ELOVL2: variants seen among roughly 807,000 people sequenced by gnomAD.
ELOVL2 encodes the protein very long chain fatty acid elongase 2.
Under a neutral mutation model 37.7 loss-of-function variants are expected in ELOVL2, and 38 were observed. That is an observed-to-expected ratio of 1.01 (90% CI 0.78 to 1.32). ELOVL2 has a LOEUF of 1.32. ELOVL2 is among the 40% of genes most tolerant of loss of function. The pLI is 0.00. For missense variants in ELOVL2, 352 were observed against 363.6 expected, an observed-to-expected ratio of 0.97 and a Z score of 0.26; for synonymous variants, 115 against 122.3, an observed-to-expected ratio of 0.94 and a Z score of 0.40.
intron 1 of ELOVL2, among the ~76,000 whole-genome samples, chr6:11,015,419 T>C (rs145150868): frequency 8.7e-4 from 132 of 152,262 alleles, no homozygotes; most frequent in Non-Finnish European, 1.7e-3. Flanking sequence ...AGCCATATTC[T>C]GAGCACCCCA....
At chr6:11,012,740 T>G (rs1000748898) in intron 1 of ELOVL2, among the ~76,000 whole-genome samples, 1 of 152,204 alleles carries the variant, frequency 6.6e-6, no homozygotes, top group African/African-American at 2.4e-5. Context: ...AAAGAGGCAT[T>G]CCATTCCTTT....
chr6:11,015,826 T>C (rs938766911), intron 1 of ELOVL2: 1 of 152,136 alleles, frequency 6.6e-6, no homozygotes, highest in Non-Finnish European at 1.5e-5. Context: ...ACTCTATCAG[T>C]TGGAGGTCAG....
chr6:11,019,855 C>T (rs892768997), intron 1 of ELOVL2, among the ~76,000 whole-genome samples: 1 of 150,820 alleles, frequency 6.6e-6, no homozygotes, highest in Non-Finnish European at 1.5e-5. Flanking sequence ...GTGATTCTCC[C>T]GCCTCAGCCT....
intron 5 of ELOVL2, among the ~76,000 whole-genome samples, chr6:10,993,944 C>T (rs1424298218): frequency 5.5e-5 from 7 of 126,356 alleles, no homozygotes; most frequent in African/African-American, 2.1e-4. Context: ...TGAGCTCAAG[C>T]GATTTCGCCT....
chr6:11,018,096 A>G (rs1007654187), intron 1 of ELOVL2, among the ~76,000 whole-genome samples: 9 of 152,120 alleles, frequency 5.9e-5, no homozygotes, highest in African/African-American at 2.2e-4. Context: ...TCTTTTTGGA[A>G]GTTTTCTTCC....
At chr6:11,026,826 TTATATC>T (rs1010236864) in intron 1 of ELOVL2, among the ~76,000 whole-genome samples, 1 of 152,038 alleles carries the variant, frequency 6.6e-6, no homozygotes, top group Non-Finnish European at 1.5e-5. Context: ...GGAGTATTAT[TTATATC>T]TAATAGATTA....
intron 1 of ELOVL2, among the ~76,000 whole-genome samples, chr6:11,034,466 T>C (rs1301954007): frequency 2.0e-5 from 2 of 98,150 alleles, no homozygotes; most frequent in Non-Finnish European, 4.5e-5. Flanking sequence ...GTGGATCACT[T>C]GAGGTCTGGA....
intron 4 of ELOVL2, among the ~76,000 whole-genome samples, chr6:10,999,485 C>T (rs1477909376): frequency 6.6e-6 from 1 of 151,802 alleles, no homozygotes; most frequent in Non-Finnish European, 1.5e-5. Flanking sequence ...AAGCGATTCT[C>T]CTGGCTCAGT....
chr6:11,005,573 C>T lies in ELOVL2; in HGVS notation c.68-14G>A, dbSNP rs752880201. The T allele has an allele frequency of 1.2e-6, 2 of 1,607,026 alleles. No homozygotes were observed. Among genetic ancestry groups the T allele is most frequent in the Non-Finnish European group, 8.5e-7 (1 of 1,175,992 alleles). On this transcript the variant is annotated splice_polypyrimidine_tract_variant and intron_variant, in intron 2 of 7. Coordinates refer to ENST00000354666, the MANE Select transcript of ELOVL2 (RefSeq NM_017770.4). ...TGACTCGAGAATCTGAAAAGAAACA[C>T]ATACAGTGAGGATCCTGAGGAATGA... is the stretch of plus-strand genomic sequence containing the variant.
At chr6:10,987,302 C>T (rs958935133) in intron 7 of ELOVL2, among the ~76,000 whole-genome samples, 2 of 152,068 alleles carry the variant, frequency 1.3e-5, no homozygotes, top group African/African-American at 2.4e-5. Context: ...AAAACCAGCT[C>T]CTGGATTCAT....
chr6:11,013,915 T>C (rs1440481936), intron 1 of ELOVL2, among the ~76,000 whole-genome samples: 2 of 151,556 alleles, frequency 1.3e-5, no homozygotes, highest in African/African-American at 4.9e-5. Context: ...TGCCTCCCTA[T>C]GGCCACAACT....
At chr6:11,028,622 CAAGAATTTTCTAA>C (rs1355369135) in intron 1 of ELOVL2, among the ~76,000 whole-genome samples, 1 of 151,036 alleles carries the variant, frequency 6.6e-6, no homozygotes, top group East Asian at 1.9e-4. Flanking sequence ...AATAATGTAT[CAAGAATTTTCTAA>C]TTGCCAGTTC....
In ELOVL2 at chr6:10,990,327, C is replaced by G; in HGVS notation, c.621G>C (p.Gln207His). 1 of 1,611,954 alleles carries G rather than the reference C, an allele frequency of 6.2e-7. No homozygotes were observed. The highest frequency in any genetic ancestry group is 8.5e-7 in the Non-Finnish European group (1 of 1,179,372). ...KYLWWKKYLTQAQLVQFVLTI... is the reference protein window; with the variant it reads ...KYLWWKKYLTHAQLVQFVLTI... ...AGAAGGGACAACATACCAGCTGAGC[C>G]TGTGTGAGATATTTCTTCCACCAAA... The change falls in exon 6 of 8, where the codon CAG becomes CAC. Residue 207 changes from glutamine (Q) to histidine (H), a missense_variant. By Grantham distance (24) the Gln-to-His change is conservative (BLOSUM62 0). Coordinates refer to ENST00000354666, the MANE Select transcript of ELOVL2 (RefSeq NM_017770.4).
intron 1 of ELOVL2, among the ~76,000 whole-genome samples, chr6:11,036,187 A>G (rs1357847953): frequency 1.3e-5 from 2 of 152,238 alleles, no homozygotes; most frequent in African/African-American, 2.4e-5. Context: ...TTGTAAACAG[A>G]AAGTCATTTA....
intron 1 of ELOVL2, among the ~76,000 whole-genome samples, chr6:11,025,307 A>G (rs1782823315): frequency 6.6e-6 from 1 of 152,186 alleles, no homozygotes; most frequent in Admixed American, 6.5e-5. Flanking sequence ...AAGAATATAA[A>G]CAAAATAAAC....
intron 1 of ELOVL2, among the ~76,000 whole-genome samples, chr6:11,037,058 AAG>A (rs1783019384): frequency 8.0e-6 from 1 of 124,636 alleles, no homozygotes; most frequent in Non-Finnish European, 1.7e-5. Flanking sequence ...CAGAGAGGGA[AAG>A]AGATAGAGAG....
chr6:11,005,980 ACCAGTCACATCTGCCTC>A (rs1782477393), intron 2 of ELOVL2, among the ~76,000 whole-genome samples: 2 of 152,162 alleles, frequency 1.3e-5, no homozygotes, highest in Admixed American at 6.5e-5. Context: ...CAGGATTTGA[ACCAGTCACATCTGCCTC>A]CCAGCCCCAT....
chr6:11,033,983 T>C (rs1002748056), intron 1 of ELOVL2, among the ~76,000 whole-genome samples: 1 of 152,178 alleles, frequency 6.6e-6, no homozygotes, highest in African/African-American at 2.4e-5. Flanking sequence ...ATCTTCACTA[T>C]GTGTGAGTAT....
intron 1 of ELOVL2, among the ~76,000 whole-genome samples, chr6:11,037,848 G>C (rs1218575196): frequency 6.6e-6 from 1 of 152,106 alleles, no homozygotes; most frequent in Non-Finnish European, 1.5e-5. Context: ...TGAAACTTAA[G>C]ACTTTATATA....
Sources: gnomAD v4.1 joint callset for allele counts (sites outside exome capture counted in the v4.1 genomes callset) on GRCh38, gnomAD v4.1.1 for gene constraint, MANE v1.5 for transcripts, NCBI Gene and HGNC (gene_info 2026-07-23, HGNC 2026-07-21) for gene names.